Variants in SH3PXD2A observed in about 807,000 individuals in gnomAD.
SH3PXD2A encodes the protein SH3 and PX domain-containing protein 2A.
SH3PXD2A carries 32 observed loss-of-function variants against 115.2 expected under a neutral mutation model. That is an observed-to-expected ratio of 0.28 (90% CI 0.21 to 0.37). The LOEUF is 0.37. Ranked by LOEUF, SH3PXD2A falls within the 10% of genes least tolerant of loss-of-function variation. SH3PXD2A has a pLI of 1.00. For missense variants in SH3PXD2A, 1,328 were observed against 1,498.7 expected (o/e 0.89, Z 1.88); for synonymous variants, 610 against 629.1 (o/e 0.97, Z 0.45).
chr10:103,741,646 C>G (rs535185257), intron 3 of SH3PXD2A, among the ~76,000 whole-genome samples: 1 of 152,354 alleles, frequency 6.6e-6, no homozygotes, highest in Admixed American at 6.5e-5. Context: ...GCCCAGAGAG[C>G]CCAGGCTGTC....
At chr10:103,690,574 A>G (rs939398576) in intron 6 of SH3PXD2A, among the ~76,000 whole-genome samples, 3 of 152,182 alleles carry the variant, frequency 2.0e-5, no homozygotes, top group Non-Finnish European at 4.4e-5. Flanking sequence ...AGAGGCCTTC[A>G]ACCAATTGGA....
intron 8 of SH3PXD2A, among the ~76,000 whole-genome samples, chr10:103,637,181 G>A (rs1316462438): frequency 2.0e-5 from 3 of 152,188 alleles, no homozygotes; most frequent in African/African-American, 7.2e-5. Flanking sequence ...CGCGGGGTTC[G>A]ATTGCCGCCT....
intron 6 of SH3PXD2A, among the ~76,000 whole-genome samples, chr10:103,670,171 C>T (rs1313261328): frequency 6.6e-6 from 1 of 152,044 alleles, no homozygotes; most frequent in Non-Finnish European, 1.5e-5. Context: ...GAAAGCCTGG[C>T]CCCCTTCTGG....
At chr10:103,668,969 CCT>C (rs2037422558) in intron 6 of SH3PXD2A, among the ~76,000 whole-genome samples, 2 of 152,344 alleles carry the variant, frequency 1.3e-5, no homozygotes, top group African/African-American at 4.8e-5. Context: ...TTATCACAGC[CCT>C]GTACAAGGCA....
In SH3PXD2A at chr10:103,602,631, C is replaced by T. The variant is rs766798828; in HGVS notation, c.2587G>A (p.Ala863Thr). 10 of 1,614,192 alleles carry T rather than the reference C, an allele frequency of 6.2e-6. No individual in the cohort carries two copies. Among genetic ancestry groups the T allele is most frequent in the African/African-American group, 2.7e-5 (2 of 75,056 alleles). Residue 863 changes from alanine (A) to threonine (T), a missense_variant, in exon 15 of 15, where the codon GCG becomes ACG. Around this residue, in one of 5 missense-constraint regions of SH3PXD2A, gnomAD observed 574 missense variants for 565.7 expected, o/e 1.01. Coordinates refer to ENST00000369774, the MANE Select transcript of SH3PXD2A (RefSeq NM_001394015.1). ...KVQDSEISFP[A>T]GVEVQVLEKQ... is the part of the protein sequence containing the mutation. Reference sequence around the variant, plus strand: ...TCCAGCACCTGCACCTCCACGCCCGCGGGGAAGCTGATCTCCGAGTCCTGG... The same window carrying T: ...TCCAGCACCTGCACCTCCACGCCCGTGGGGAAGCTGATCTCCGAGTCCTGG...
chr10:103,677,759 C>A (rs2037557715), intron 6 of SH3PXD2A, among the ~76,000 whole-genome samples: 1 of 152,192 alleles, frequency 6.6e-6, no homozygotes. Flanking sequence ...CCTGTCAGCA[C>A]CCCACAACAC....
At chr10:103,617,103 T>C in intron 11 of SH3PXD2A, 94 bp downstream of exon 11, 1 of 812,814 alleles carries the variant, frequency 1.2e-6, no homozygotes, top group Non-Finnish European at 2.2e-6. Context: ...GCTGTCAGTA[T>C]CTACCTGCCA....
At chr10:103,736,862 G>C (rs555603303) in intron 3 of SH3PXD2A, 10 of 1,017,270 alleles carry the variant, frequency 9.8e-6, no homozygotes, top group Non-Finnish European at 1.4e-5. Flanking sequence ...AGTCCTTGTG[G>C]TGTCAGTCAG....
chr10:103,652,378 C>T (rs1196910269), intron 8 of SH3PXD2A, among the ~76,000 whole-genome samples: 1 of 152,206 alleles, frequency 6.6e-6, no homozygotes, highest in Non-Finnish European at 1.5e-5. Context: ...ACCACAGCTA[C>T]ACCCCCACAA....
chr10:103,643,501 C>T (rs1467372573), intron 8 of SH3PXD2A, among the ~76,000 whole-genome samples: 1 of 152,136 alleles, frequency 6.6e-6, no homozygotes, highest in East Asian at 1.9e-4. Context: ...TCCGGAAAAA[C>T]ACATACAATG....
rs547504269 is a variant in SH3PXD2A, at chr10:103,621,135, A to T, written c.802+1335T>A. 1.2e-4 allele frequency among the ~76,000 whole-genome samples: 18 copies of T among 152,258 alleles called. No individual in the cohort carries two copies. In the South Asian group the frequency reaches 3.7e-3, roughly 31 times the overall value. On this transcript the variant is annotated intron_variant, in intron 10 of 14. Coordinates refer to ENST00000369774, the MANE Select transcript of SH3PXD2A (RefSeq NM_001394015.1). ...AGGGCGCACAGTCGTATCTGTGGCC[A>T]TGAGGGCTGTGCATGTCTGTGGGGT...
chr10:103,739,017 T>C (rs2038413101), intron 3 of SH3PXD2A, among the ~76,000 whole-genome samples: 1 of 152,182 alleles, frequency 6.6e-6, no homozygotes, highest in Non-Finnish European at 1.5e-5. Context: ...GGTCACGAAC[T>C]CCTGACCTCA....
At chr10:103,651,138 G>A (rs574046660) in intron 8 of SH3PXD2A, among the ~76,000 whole-genome samples, 1 of 152,244 alleles carries the variant, frequency 6.6e-6, no homozygotes, top group South Asian at 2.1e-4. Flanking sequence ...GCCAGGATGG[G>A]TCTGCATAGT....
chr10:103,741,404 G>A (rs2038442508), intron 3 of SH3PXD2A, among the ~76,000 whole-genome samples: 1 of 152,098 alleles, frequency 6.6e-6, no homozygotes, highest in South Asian at 2.1e-4. Flanking sequence ...GCCCTTCCTT[G>A]CCAACCACTA....
At chr10:103,778,594 C>T (rs1256320042) in intron 2 of SH3PXD2A, among the ~76,000 whole-genome samples, 1 of 152,238 alleles carries the variant, frequency 6.6e-6, no homozygotes, top group Non-Finnish European at 1.5e-5. Context: ...CCCCATGGCA[C>T]TGTGCGGATG....
intron 1 of SH3PXD2A, among the ~76,000 whole-genome samples, chr10:103,803,940 G>A (rs1460684491): frequency 3.9e-5 from 6 of 152,178 alleles, no homozygotes; most frequent in South Asian, 2.1e-4. Context: ...ACAACTCTAA[G>A]TCGGGGACGA....
intron 1 of SH3PXD2A, among the ~76,000 whole-genome samples, chr10:103,837,733 C>A (rs909270596): frequency 5.3e-5 from 8 of 152,174 alleles, no homozygotes; most frequent in African/African-American, 1.9e-4. Flanking sequence ...GGCAGGAGAA[C>A]TGTAGCACTT....
Position 103,602,670 on chromosome 10 carries a change from C to A in SH3PXD2A, c.2548G>T (p.Ala850Ser), listed in dbSNP as rs764554398. The A allele has an allele frequency of 1.7e-5, 28 of 1,614,174 alleles. No individual in the cohort carries two copies. The highest frequency in any genetic ancestry group is 2.4e-5 in the Non-Finnish European group (28 of 1,180,036). ...TCCGAGTCCTGGACCTTCTGGTAGGCGCTGCATGTCATGTACGAGGTGGCT... is the reference window on the plus strand; with the variant it reads ...TCCGAGTCCTGGACCTTCTGGTAGGAGCTGCATGTCATGTACGAGGTGGCT... The part of the protein sequence containing the change: ...GPATSYMTCS[A>S]YQKVQDSEIS... The change falls in exon 15 of 15, where the codon GCC becomes TCC. Residue 850 changes from alanine (A) to serine (S), a missense_variant. Ala to Ser is a moderately conservative substitution (Grantham distance 99). Transcript: ENST00000369774.
Position 103,613,012 on chromosome 10 carries a change from C to T in SH3PXD2A, c.1099G>A (p.Glu367Lys), listed in dbSNP as rs747972923. 1.6e-5 allele frequency: 26 copies of T among 1,614,116 alleles called. No individual in the cohort carries two copies. The African/African-American group carries it at 2.3e-4, about 14-fold the overall frequency. ...GDKETPPAEG[E>K]GHEAPIAKKE... ...TTGGCAATGGGGGCCTCATGGCCCTCGCCTTCGGCTGGTGGAGTTTCCTTG... is the reference window on the plus strand; with the variant it reads ...TTGGCAATGGGGGCCTCATGGCCCTTGCCTTCGGCTGGTGGAGTTTCCTTG... The change falls in exon 12 of 15, where the codon GAG becomes AAG. Residue 367 changes from glutamate (E) to lysine (K), a missense_variant. Around this residue, in one of 5 missense-constraint regions of SH3PXD2A, gnomAD observed 509 missense variants for 628.3 expected, o/e 0.81. Transcript: ENST00000369774.
Sources: allele counts gnomAD v4.1 joint callset (sites outside exome capture counted in the v4.1 genomes callset), GRCh38; gene constraint gnomAD v4.1.1; regional missense constraint gnomAD v4.1.1; transcripts MANE v1.5; gene names NCBI Gene and HGNC (gene_info 2026-07-23, HGNC 2026-07-21).